LPP: variants seen among roughly 807,000 people sequenced by gnomAD.
LPP encodes LIM domain containing preferred translocation partner in lipoma.
LPP carries 38 observed loss-of-function variants against 60.4 expected under a neutral mutation model. The observed-to-expected ratio is 0.63, with a 90% CI of 0.49 to 0.83. The LOEUF (loss-of-function observed/expected upper bound fraction) is 0.83. Ranked by LOEUF, LPP falls within the 40% of genes least tolerant of loss-of-function variation. LPP has a pLI of 0.00. For missense variants in LPP, 902 were observed against 783.6 expected (o/e 1.15, Z -1.80); for synonymous variants, 328 against 290.8 (o/e 1.13, Z -1.30).
At chr3:188,384,917 C>T (rs1175240375) in intron 3 of LPP, among the ~76,000 whole-genome samples, 2 of 151,560 alleles carry the variant, frequency 1.3e-5, no homozygotes, top group South Asian at 2.1e-4. Context: ...TGCTGTCCCT[C>T]GTGTGTTTAC....
intron 9 of LPP, among the ~76,000 whole-genome samples, chr3:188,777,889 G>A (rs933252003): frequency 1.3e-5 from 2 of 152,036 alleles, no homozygotes; most frequent in African/African-American, 2.4e-5. Context: ...TTCTAAATAC[G>A]AACTTATTCA....
chr3:188,834,194 A>G (rs576153386), intron 9 of LPP, among the ~76,000 whole-genome samples: 25 of 152,170 alleles, frequency 1.6e-4, no homozygotes, highest in Non-Finnish European at 3.2e-4. Context: ...TGCCAGCATG[A>G]TAATACATGC....
intron 1 of LPP, among the ~76,000 whole-genome samples, chr3:188,207,346 C>G (rs1733566799): frequency 6.6e-6 from 1 of 151,694 alleles, no homozygotes; most frequent in African/African-American, 2.4e-5. Flanking sequence ...ATTCTCCTGC[C>G]TCAGCCCCCT....
intron 8 of LPP, among the ~76,000 whole-genome samples, chr3:188,740,859 C>T (rs1254030669): frequency 2.0e-5 from 3 of 152,016 alleles, no homozygotes; most frequent in Non-Finnish European, 4.4e-5. Flanking sequence ...CATGAATTCT[C>T]ATCTCCTGAT....
At chr3:188,870,414 C>A (rs1049213372) in intron 10 of LPP, among the ~76,000 whole-genome samples, 4 of 152,028 alleles carry the variant, frequency 2.6e-5, no homozygotes, top group Non-Finnish European at 4.4e-5. Context: ...AGGAATATTA[C>A]CCTCATTCAT....
chr3:188,354,801 A>ACACACACACGCGCGTGCGCG (rs1767022157), intron 3 of LPP, among the ~76,000 whole-genome samples: 2 of 142,938 alleles, frequency 1.4e-5, no homozygotes, highest in African/African-American at 5.2e-5. Flanking sequence ...TAATCAATGA[A>ACACACACACGCGCGTGCGCG]CACACACACG....
intron 3 of LPP, among the ~76,000 whole-genome samples, chr3:188,397,187 C>T (rs1308100783): frequency 1.3e-5 from 2 of 152,212 alleles, no homozygotes; most frequent in African/African-American, 2.4e-5. Context: ...AACTTTCCCA[C>T]TGCAGATGCT....
chr3:188,426,720 C>CT (rs1406743990), intron 4 of LPP, among the ~76,000 whole-genome samples: 2 of 151,960 alleles, frequency 1.3e-5, no homozygotes, highest in African/African-American at 2.4e-5. Context: ...CCTTCTTTGT[C>CT]TTTTTTATCT....
chr3:188,191,872 CAGAG>C (rs1364535295), intron 1 of LPP, among the ~76,000 whole-genome samples: 1 of 152,094 alleles, frequency 6.6e-6, no homozygotes, highest in Non-Finnish European at 1.5e-5. Context: ...TCCATGCAGA[CAGAG>C]AGACGATATT....
At chr3:188,813,883 A>G (rs750429137) in intron 9 of LPP, among the ~76,000 whole-genome samples, 4 of 152,184 alleles carry the variant, frequency 2.6e-5, no homozygotes, top group Admixed American at 6.5e-5. Flanking sequence ...CAGCCTGGCC[A>G]ACATGGTGAA....
At chr3:188,393,472 T>C (rs934626664) in intron 3 of LPP, among the ~76,000 whole-genome samples, 29 of 152,190 alleles carry the variant, frequency 1.9e-4, no homozygotes, top group African/African-American at 6.8e-4. Flanking sequence ...AGGACTTGAC[T>C]GTATTCAGGA....
intron 3 of LPP, among the ~76,000 whole-genome samples, chr3:188,386,587 A>G (rs2148627330): frequency 6.6e-6 from 1 of 152,338 alleles, no homozygotes; most frequent in South Asian, 2.1e-4. Context: ...AATATTTCTT[A>G]CTAGCTTCTG....
intron 3 of LPP, among the ~76,000 whole-genome samples, chr3:188,394,837 T>C (rs566357438): frequency 8.5e-5 from 13 of 152,278 alleles, no homozygotes; most frequent in African/African-American, 3.1e-4. Context: ...TTCAAAATCT[T>C]GAAATAAAAG....
chr3:188,607,674 A>T (rs1335017288), intron 6 of LPP, among the ~76,000 whole-genome samples: 3 of 151,816 alleles, frequency 2.0e-5, no homozygotes, highest in Non-Finnish European at 2.9e-5. Context: ...AAGTTTTATT[A>T]TGATTTAACA....
intron 7 of LPP, among the ~76,000 whole-genome samples, chr3:188,685,786 G>A (rs540171757): frequency 1.9e-4 from 29 of 151,984 alleles, no homozygotes; most frequent in Non-Finnish European, 2.8e-4. Context: ...CCATTACCAC[G>A]AATACTGAGT....
intron 7 of LPP, among the ~76,000 whole-genome samples, chr3:188,705,667 G>C (rs915838090): frequency 6.6e-6 from 1 of 151,818 alleles, no homozygotes; most frequent in Non-Finnish European, 1.5e-5. Context: ...CTGTCACCAA[G>C]GTTGGAATGC....
intron 7 of LPP, among the ~76,000 whole-genome samples, chr3:188,641,208 A>T (rs1167577942): frequency 6.6e-6 from 1 of 152,252 alleles, no homozygotes; most frequent in Non-Finnish European, 1.5e-5. Flanking sequence ...AGTCTGTGTG[A>T]CCTGTTTTTG....
At chr3:188,453,415 A>G (rs1188642054) in intron 4 of LPP, among the ~76,000 whole-genome samples, 1 of 152,002 alleles carries the variant, frequency 6.6e-6, no homozygotes, top group East Asian at 1.9e-4. Context: ...TATGATACCG[A>G]CCGGATCCTA....
At chr3:188,824,820 G>A (rs879304274) in intron 9 of LPP, among the ~76,000 whole-genome samples, 4 of 152,184 alleles carry the variant, frequency 2.6e-5, no homozygotes, top group East Asian at 3.9e-4. Context: ...TCTGAGTTCC[G>A]AAGTGAAATC....
Sources: gnomAD v4.1 joint callset for allele counts (sites outside exome capture counted in the v4.1 genomes callset) on GRCh38, gnomAD v4.1.1 for gene constraint, MANE v1.5 for transcripts, NCBI Gene and HGNC (gene_info 2026-07-23, HGNC 2026-07-21) for gene names.